ZFHX3: variants seen among roughly 807,000 people sequenced by gnomAD.
The protein encoded by ZFHX3 is zinc finger homeobox protein 3.
In ZFHX3, 42 loss-of-function variants were observed where a neutral mutation model predicts 279.1. That is an observed-to-expected ratio of 0.15 (90% CI 0.12 to 0.19). The LOEUF (loss-of-function observed/expected upper bound fraction) is 0.19. Ranked by LOEUF, ZFHX3 falls within the 10% of genes least tolerant of loss-of-function variation. The probability of loss-of-function intolerance (pLI) is 1.00; values close to 1 mark genes in which losing one functional copy is unlikely to be tolerated. For missense variants in ZFHX3, 4,981 were observed against 4,754.0 expected (o/e 1.05, Z -1.40); for synonymous variants, 2,293 against 1,957.8 (o/e 1.17, Z -4.52).
At chr16:72,901,494 G>A (rs183468459) in intron 3 of ZFHX3, among the ~76,000 whole-genome samples, 11 of 152,292 alleles carry the variant, frequency 7.2e-5, no homozygotes, top group Admixed American at 1.3e-4. Context: ...CTTCTGCCTC[G>A]TACAAGGGGC....
At chr16:72,871,095 TG>T (rs1489908771) in intron 4 of ZFHX3, among the ~76,000 whole-genome samples, 1 of 152,196 alleles carries the variant, frequency 6.6e-6, no homozygotes, top group Non-Finnish European at 1.5e-5. Flanking sequence ...TGCTAATATT[TG>T]GGGAATGCAG....
intron 2 of ZFHX3, among the ~76,000 whole-genome samples, chr16:73,579,371 G>T (rs1293287200): frequency 6.6e-6 from 1 of 152,156 alleles, no homozygotes; most frequent in Non-Finnish European, 1.5e-5. Context: ...TGTGTCATGG[G>T]TGCATCCTTA....
intron 1 of ZFHX3, among the ~76,000 whole-genome samples, chr16:73,784,816 T>TATATACAC (rs1555501460): frequency 1.1e-4 from 15 of 135,530 alleles, no homozygotes; most frequent in African/African-American, 2.9e-4. Context: ...TATATATATA[T>TATATACAC]ACACACACAC....
intron 1 of ZFHX3, among the ~76,000 whole-genome samples, chr16:72,964,868 C>T (rs562066660): frequency 1.3e-5 from 2 of 151,962 alleles, no homozygotes; most frequent in East Asian, 1.9e-4. Flanking sequence ...ACTGACAAAC[C>T]GGAGAGTATG....
chr16:72,981,480 G>C (rs1962597431), intron 1 of ZFHX3, among the ~76,000 whole-genome samples: 2 of 152,180 alleles, frequency 1.3e-5, no homozygotes, highest in African/African-American at 4.8e-5. Flanking sequence ...AACACTTTCA[G>C]TGAGTTTAAA....
At chr16:73,158,693 A>T (rs1033994554) in intron 5 of ZFHX3, among the ~76,000 whole-genome samples, 2 of 152,236 alleles carry the variant, frequency 1.3e-5, no homozygotes, top group African/African-American at 4.8e-5. Flanking sequence ...ACAGAGCTAC[A>T]GTAGCCAAAA....
rs565114182 is a variant in ZFHX3, at chr16:73,196,961, G to A, written c.-1103-53130C>T. Reference sequence around the variant, plus strand: ...ACTGGTATTGACATGGTGACCCCTAGTGTTTCCTGTTGGTAGCACGACTTG... The same window carrying A: ...ACTGGTATTGACATGGTGACCCCTAATGTTTCCTGTTGGTAGCACGACTTG... On this transcript the variant is annotated intron_variant, in intron 5 of 17. Coordinates refer to the ZFHX3 transcript ENST00000641206. Among the ~76,000 whole-genome samples the A allele has an allele frequency of 3.9e-5, 6 of 152,270 alleles. No individual in the cohort carries two copies. The South Asian group carries it at 6.2e-4, about 16-fold the overall frequency.
At chr16:73,466,796 C>T (rs959506501) in intron 2 of ZFHX3, among the ~76,000 whole-genome samples, 1 of 152,146 alleles carries the variant, frequency 6.6e-6, no homozygotes, top group Non-Finnish European at 1.5e-5. Context: ...CTCATTTCCT[C>T]TTCAGAGCTA....
At position 72,957,486 on chromosome 16, in the gene ZFHX3, A is replaced by G; in HGVS notation, c.2660T>C (p.Met887Thr). 6.2e-7 allele frequency: 1 copy of G among 1,614,104 alleles called. No individual in the cohort carries two copies. Among genetic ancestry groups the G allele is most frequent in the Non-Finnish European group, 8.5e-7 (1 of 1,180,014 alleles). Residue 887 changes from methionine (M) to threonine (T), a missense_variant, in exon 2 of 10, where the codon ATG becomes ACG. By Grantham distance (81) the Met-to-Thr change is moderately conservative (BLOSUM62 -1). Around this residue, in one of 7 missense-constraint regions of ZFHX3, gnomAD observed 1,751 missense variants for 1,770.0 expected, o/e 0.99. Coordinates refer to ENST00000268489, the MANE Select transcript of ZFHX3 (RefSeq NM_006885.4). ...MDSAASDAQF[M>T]MSGFQLDPAG... ...GGGATCCAGCTGGAATCCGCTCATCATGAACTGGGCGTCCGAGGCAGCACT... is the reference window on the plus strand; with the variant it reads ...GGGATCCAGCTGGAATCCGCTCATCGTGAACTGGGCGTCCGAGGCAGCACT...
At chr16:73,561,884 G>C (rs1198260148) in intron 2 of ZFHX3, among the ~76,000 whole-genome samples, 2 of 152,078 alleles carry the variant, frequency 1.3e-5, no homozygotes, top group Non-Finnish European at 2.9e-5. Flanking sequence ...AGCTGTGGGG[G>C]CCTCCTCTCC....
chr16:73,514,777 G>GA (rs1361657584), intron 2 of ZFHX3, among the ~76,000 whole-genome samples: 1 of 152,096 alleles, frequency 6.6e-6, no homozygotes, highest in Non-Finnish European at 1.5e-5. Context: ...GTCCAAGGAG[G>GA]AAGGCTGGTG....
chr16:72,955,897 C>G (rs1001417425), intron 2 of ZFHX3, among the ~76,000 whole-genome samples: 1 of 151,848 alleles, frequency 6.6e-6, no homozygotes, highest in African/African-American at 2.4e-5. Context: ...TCCCGAGATT[C>G]TATGACTCCT....
intron 2 of ZFHX3, chr16:73,504,150 T>C (rs1023279515): frequency 6.6e-6 from 1 of 152,178 alleles, no homozygotes; most frequent in Non-Finnish European, 1.5e-5. Flanking sequence ...TCCCTCTCTT[T>C]CTTTTAAATG....
rs147388462 is a variant in ZFHX3, at chr16:73,884,605, T to G, written c.-1608+7046A>C. On this transcript the variant is annotated intron_variant, in intron 1 of 17. Coordinates refer to the ZFHX3 transcript ENST00000641206. ...GGTGTTTCCAACCACAGATGACTAT[T>G]CCCGAAATGACCACGGTTGACAGCT... is the stretch of plus-strand genomic sequence containing the variant. 2.1e-3 allele frequency among the ~76,000 whole-genome samples: 318 copies of G among 152,336 alleles called. 3 individuals are homozygous for G. The highest frequency in any genetic ancestry group is 7.2e-3 in the African/African-American group (301 of 41,574).
chr16:73,173,993 T>C (rs1464392713), intron 5 of ZFHX3, among the ~76,000 whole-genome samples: 2 of 152,226 alleles, frequency 1.3e-5, no homozygotes, highest in Non-Finnish European at 2.9e-5. Flanking sequence ...TGTGCCTTGT[T>C]CTGAAAATAA....
intron 3 of ZFHX3, among the ~76,000 whole-genome samples, chr16:73,410,851 C>T (rs2017452101): frequency 6.6e-6 from 1 of 152,240 alleles, no homozygotes; most frequent in Admixed American, 6.5e-5. Flanking sequence ...CTTCCCGTAA[C>T]AACCCATGGG....
chr16:73,636,057 T>C (rs1366372625), intron 2 of ZFHX3, among the ~76,000 whole-genome samples: 3 of 152,218 alleles, frequency 2.0e-5, no homozygotes, highest in Non-Finnish European at 2.9e-5. Flanking sequence ...GTTTGATCTT[T>C]CTTCACCCTT....
At chr16:72,895,973 CAGAA>C (rs2038890304) in intron 3 of ZFHX3, among the ~76,000 whole-genome samples, 1 of 152,160 alleles carries the variant, frequency 6.6e-6, no homozygotes, top group Non-Finnish European at 1.5e-5. Context: ...GTAGCTTTCA[CAGAA>C]AGAAACATCT....
intron 7 of ZFHX3, among the ~76,000 whole-genome samples, chr16:73,112,185 G>A (rs1966382756): frequency 6.6e-6 from 1 of 151,824 alleles, no homozygotes. Flanking sequence ...CTGATCTCAA[G>A]AGGGATAAGA....
Sources: gnomAD v4.1 joint callset for allele counts (sites outside exome capture counted in the v4.1 genomes callset) on GRCh38, gnomAD v4.1.1 for gene constraint, gnomAD v4.1.1 regional missense constraint, MANE v1.5 for transcripts, NCBI Gene and HGNC (gene_info 2026-07-23, HGNC 2026-07-21) for gene names.